TACR3: variants seen among roughly 807,000 people sequenced by gnomAD.
TACR3 encodes neuromedin-K receptor.
In TACR3, 34 loss-of-function variants were observed where a neutral mutation model predicts 35.0. The observed-to-expected ratio is 0.97, with a 90% CI of 0.74 to 1.30. TACR3 has a LOEUF of 1.30. Ranked by LOEUF, TACR3 falls within the 50% of genes most tolerant of loss-of-function variation. The pLI is 0.00. For synonymous variants in TACR3, 233 were observed against 221.1 expected (o/e 1.05, Z -0.48); for missense variants, 558 against 591.7 (o/e 0.94, Z 0.59).
At chr4:103,711,439 A>G (rs1226479660) in intron 1 of TACR3, among the ~76,000 whole-genome samples, 2 of 152,246 alleles carry the variant, frequency 1.3e-5, no homozygotes, top group Non-Finnish European at 1.5e-5. Flanking sequence ...GACGAAATTC[A>G]ACAACACTTC....
intron 3 of TACR3, among the ~76,000 whole-genome samples, chr4:103,627,352 TAAAAAAAA>T (rs869215834): frequency 2.8e-4 from 23 of 82,490 alleles, no homozygotes; most frequent in African/African-American, 6.7e-4. Context: ...GTGTTTCCAT[TAAAAAAAA>T]AAAAAAAAAA....
At chr4:103,655,400 A>G (rs1457669359) in intron 3 of TACR3, among the ~76,000 whole-genome samples, 1 of 152,158 alleles carries the variant, frequency 6.6e-6, no homozygotes, top group Admixed American at 6.6e-5. Flanking sequence ...GGATTCATTC[A>G]TCTTTGATAA....
chr4:103,650,366 G>C (rs1415092285), intron 3 of TACR3, among the ~76,000 whole-genome samples: 1 of 150,184 alleles, frequency 6.7e-6, no homozygotes, highest in Non-Finnish European at 1.5e-5. Flanking sequence ...TGTAAATGAT[G>C]AGTTAGTGGG....
chr4:103,645,202 A>T (rs1410586962), intron 3 of TACR3, among the ~76,000 whole-genome samples: 1 of 151,916 alleles, frequency 6.6e-6, no homozygotes, highest in Non-Finnish European at 1.5e-5. Context: ...CATATTGTAC[A>T]TATTGTTATA....
chr4:103,646,722 T>C (rs944275422), intron 3 of TACR3, among the ~76,000 whole-genome samples: 1 of 151,908 alleles, frequency 6.6e-6, no homozygotes, highest in Non-Finnish European at 1.5e-5. Context: ...CAACCTGAGA[T>C]GGAATGAAGT....
At chr4:103,713,387 G>C (rs969703174) in intron 1 of TACR3, among the ~76,000 whole-genome samples, 9 of 147,392 alleles carry the variant, frequency 6.1e-5, no homozygotes, top group South Asian at 4.3e-4. Flanking sequence ...AAACCAAACA[G>C]CGCATGTTCT....
chr4:103,618,523 G>C (rs1724706566), intron 3 of TACR3, among the ~76,000 whole-genome samples: 1 of 138,896 alleles, frequency 7.2e-6, no homozygotes, highest in Non-Finnish European at 1.5e-5. Flanking sequence ...TGATGCCTCT[G>C]GATTTGTTCT....
At chr4:103,650,375 G>C (rs1336263429) in intron 3 of TACR3, among the ~76,000 whole-genome samples, 1 of 145,534 alleles carries the variant, frequency 6.9e-6, no homozygotes, top group Admixed American at 7.0e-5. Flanking sequence ...TGAGTTAGTG[G>C]GTGCAGCACA....
intron 1 of TACR3, among the ~76,000 whole-genome samples, chr4:103,693,206 G>C (rs954428236): frequency 6.6e-6 from 1 of 151,706 alleles, no homozygotes; most frequent in Non-Finnish European, 1.5e-5. Context: ...ATGTCCTTTT[G>C]CATATCAATA....
chr4:103,661,826 C>A (rs1193204337), intron 1 of TACR3, among the ~76,000 whole-genome samples: 1 of 152,070 alleles, frequency 6.6e-6, no homozygotes, highest in African/African-American at 2.4e-5. Context: ...CTGGTCTGAT[C>A]CATGATTCAT....
chr4:103,647,206 CAT>C (rs1725482060), intron 3 of TACR3, among the ~76,000 whole-genome samples: 1 of 151,856 alleles, frequency 6.6e-6, no homozygotes, highest in African/African-American at 2.4e-5. Context: ...TGAATAAAGA[CAT>C]AAAGTTTCAA....
At chr4:103,683,671 A>G (rs377317714) in intron 1 of TACR3, among the ~76,000 whole-genome samples, 3 of 151,994 alleles carry the variant, frequency 2.0e-5, no homozygotes, top group Non-Finnish European at 4.4e-5. Flanking sequence ...ATATTTACTA[A>G]ATTTCCAAAA....
intron 3 of TACR3, among the ~76,000 whole-genome samples, chr4:103,635,559 G>C (rs571361826): frequency 1.3e-5 from 2 of 152,100 alleles, no homozygotes; most frequent in Non-Finnish European, 2.9e-5. Flanking sequence ...CGTCAATGGT[G>C]TGACGGAAAA....
chr4:103,602,589 T>C (rs1200462500), intron 3 of TACR3, among the ~76,000 whole-genome samples: 2 of 152,176 alleles, frequency 1.3e-5, no homozygotes, highest in African/African-American at 2.4e-5. Context: ...TTTCTGTTTG[T>C]TAGTTTTCCT....
At chr4:103,670,759 A>G (rs28878597) in intron 1 of TACR3, among the ~76,000 whole-genome samples, 51,546 of 151,814 alleles carry the variant, frequency 0.34, 13,807 homozygotes, top group African/African-American at 0.74. Context: ...CATATCGTTT[A>G]CAAACAAGAA....
At chr4:103,634,604 T>G (rs541201142) in intron 3 of TACR3, among the ~76,000 whole-genome samples, 2 of 152,238 alleles carry the variant, frequency 1.3e-5, no homozygotes, top group East Asian at 3.9e-4. Context: ...AAGTACCTCT[T>G]GCTGCATATG....
At chr4:103,643,429 A>AAGAGAG (rs138415563) in intron 3 of TACR3, among the ~76,000 whole-genome samples, 2 of 148,642 alleles carry the variant, frequency 1.3e-5, no homozygotes, top group South Asian at 2.1e-4. Context: ...GTCTAAAAAA[A>AAGAGAG]AGAGAGAGAG....
At chr4:103,648,519 C>A (rs77322567) in intron 3 of TACR3, among the ~76,000 whole-genome samples, 6,959 of 152,104 alleles carry the variant, frequency 0.046, 191 homozygotes, top group Non-Finnish European at 0.055. Flanking sequence ...AGCTCCCACA[C>A]GTAAGTGGGA....
Position 103,591,630 on chromosome 4 carries a change from G to C in TACR3, c.942C>G (p.Pro314=). ...CAGTGAGAATGAAGTAAATATGATA[G>C]GGCAGCCAGCAGATAGCAAATGTCA... ...VVMTFAICWL[P]YHIYFILTAI... The change falls in exon 4 of 5, where the codon CCC becomes CCG. Residue 314 remains proline (P), a synonymous_variant. Transcript: ENST00000304883. The C allele has an allele frequency of 1.2e-6, 2 of 1,613,630 alleles. No individual in the cohort carries two copies. Among genetic ancestry groups the C allele is most frequent in the Non-Finnish European group, 8.5e-7 (1 of 1,179,788 alleles).
Sources: allele counts gnomAD v4.1 joint callset (sites outside exome capture counted in the v4.1 genomes callset), GRCh38; gene constraint gnomAD v4.1.1; transcripts MANE v1.5; gene names NCBI Gene and HGNC (gene_info 2026-07-23, HGNC 2026-07-21).